Variants in PTTG1IP2 observed in about 807,000 individuals in gnomAD.
PTTG1IP2 encodes PTTG1IP family member 2.
intron 6 of PTTG1IP2, among the ~76,000 whole-genome samples, chr7:90,508,729 A>G (rs1396957285): frequency 6.6e-6 from 1 of 152,228 alleles, no homozygotes; most frequent in Non-Finnish European, 1.5e-5. Context: ...TATTAGCCGT[A>G]CTTTAAGACA....
intron 6 of PTTG1IP2, among the ~76,000 whole-genome samples, chr7:90,494,724 A>C (rs1797973954): frequency 6.6e-6 from 1 of 152,180 alleles, no homozygotes. Context: ...TCTACAAAAA[A>C]ATTTAAAAAT....
At chr7:90,489,458 G>T (rs1797914694) in intron 4 of PTTG1IP2, among the ~76,000 whole-genome samples, 1 of 151,434 alleles carries the variant, frequency 6.6e-6, no homozygotes, top group Non-Finnish European at 1.5e-5. Context: ...TGTTGACTTT[G>T]AGTAATCAAT....
At position 90,485,384 on chromosome 7, in the gene PTTG1IP2, C is replaced by G. The variant is rs553773962; in HGVS notation, c.193-1943C>G. On this transcript the variant is annotated intron_variant, in intron 2 of 6. Coordinates refer to ENST00000509356, the MANE Select transcript of PTTG1IP2 (RefSeq NM_001365443.2). ...GCCCCCAGCTCTAAGTCTGAAATCT[C>G]TGAGAGATGTGCATTACTCTTGATG... is the stretch of plus-strand genomic sequence containing the variant. Among the ~76,000 whole-genome samples the G allele has an allele frequency of 2.3e-3, 352 of 152,264 alleles. 1 individual carries two copies. The highest frequency in any genetic ancestry group is 6.8e-3 in the Middle Eastern group (2 of 294).
At chr7:90,472,035 C>T (rs1251169271) in intron 1 of PTTG1IP2, among the ~76,000 whole-genome samples, 1 of 152,062 alleles carries the variant, frequency 6.6e-6, no homozygotes, top group African/African-American at 2.4e-5. Context: ...CATTTGAGTT[C>T]TCCCCCTTGT....
chr7:90,495,156 T>C (rs1415315134), intron 6 of PTTG1IP2, among the ~76,000 whole-genome samples: 1 of 152,262 alleles, frequency 6.6e-6, no homozygotes, highest in African/African-American at 2.4e-5. Context: ...TGTTTGTGCC[T>C]TAGTTCCTAA....
chr7:90,477,112 G>C (rs1043674039), intron 1 of PTTG1IP2, among the ~76,000 whole-genome samples: 1 of 152,152 alleles, frequency 6.6e-6, no homozygotes, highest in Non-Finnish European at 1.5e-5. Flanking sequence ...GACCAGCGAT[G>C]TTCTAAGAGA....
At chr7:90,482,509 C>A (rs1014723319) in intron 2 of PTTG1IP2, among the ~76,000 whole-genome samples, 1 of 150,626 alleles carries the variant, frequency 6.6e-6, no homozygotes, top group Non-Finnish European at 1.5e-5. Context: ...TTTACAACCC[C>A]CCCCCCACAC....
At chr7:90,474,830 G>A (rs916732260) in intron 1 of PTTG1IP2, among the ~76,000 whole-genome samples, 3 of 152,030 alleles carry the variant, frequency 2.0e-5, no homozygotes, top group African/African-American at 7.2e-5. Flanking sequence ...ATAAAGAAAA[G>A]AACCAATTTA....
At chr7:90,486,967 A>G (rs1359406217) in intron 2 of PTTG1IP2, among the ~76,000 whole-genome samples, 2 of 152,104 alleles carry the variant, frequency 1.3e-5, no homozygotes, top group African/African-American at 4.8e-5. Context: ...GCCCTTGGGC[A>G]AAAAAAGTCA....
intron 6 of PTTG1IP2, among the ~76,000 whole-genome samples, chr7:90,500,496 C>G (rs1798049741): frequency 2.6e-5 from 4 of 152,058 alleles, no homozygotes. Flanking sequence ...GTTGGGATCC[C>G]CAAGAACTAG....
intron 6 of PTTG1IP2, among the ~76,000 whole-genome samples, chr7:90,497,506 G>A (rs1169305965): frequency 6.8e-6 from 1 of 147,524 alleles, no homozygotes; most frequent in Non-Finnish European, 1.5e-5. Flanking sequence ...GGAGCTTGCA[G>A]TGAACCGAGA....
rs1797658444 is a variant in PTTG1IP2 at position 90,469,663 on chromosome 7, C to G, written c.-124C>G. 1 of 152,628 alleles carries G rather than the reference C, an allele frequency of 6.6e-6. No homozygotes were observed. The highest frequency in any genetic ancestry group is 2.1e-4 in the South Asian group (1 of 4,832). The allele number at this position is 152,628 out of a possible 1,614,324, so 9.5% of individuals were successfully genotyped here. On this transcript the variant is annotated 5_prime_UTR_variant, in exon 1 of 7. Coordinates refer to ENST00000509356, the MANE Select transcript of PTTG1IP2 (RefSeq NM_001365443.2). The stretch of plus-strand genomic sequence containing the variant: ...TGATTATGCTGGCATCCAGGGCTTG[C>G]AAGTGGCAGCTTCAGCACCCAGGGC...
At chr7:90,490,151 T>G (rs908400996) in intron 4 of PTTG1IP2, among the ~76,000 whole-genome samples, 12 of 152,042 alleles carry the variant, frequency 7.9e-5, no homozygotes, top group Non-Finnish European at 7.4e-5. Flanking sequence ...TTAGGGTTGA[T>G]TTTTTCCTTT....
At chr7:90,502,424 T>C (rs1389309955) in intron 6 of PTTG1IP2, among the ~76,000 whole-genome samples, 1 of 152,250 alleles carries the variant, frequency 6.6e-6, no homozygotes, top group Non-Finnish European at 1.5e-5. Context: ...ATGAATGTCT[T>C]TAATGGCATC....
intron 6 of PTTG1IP2, among the ~76,000 whole-genome samples, chr7:90,508,234 C>T (rs1798146264): frequency 6.7e-6 from 1 of 149,326 alleles, no homozygotes; most frequent in Non-Finnish European, 1.5e-5. Context: ...GCCACTGCCT[C>T]CAGTCTGGGC....
intron 6 of PTTG1IP2, among the ~76,000 whole-genome samples, chr7:90,510,712 G>T (rs990679461): frequency 3.3e-5 from 5 of 152,172 alleles, no homozygotes; most frequent in Non-Finnish European, 5.9e-5. Flanking sequence ...AAATCCACAG[G>T]CAGGCAATGT....
intron 6 of PTTG1IP2, among the ~76,000 whole-genome samples, chr7:90,506,649 C>G (rs1036005365): frequency 6.6e-6 from 1 of 152,032 alleles, no homozygotes; most frequent in African/African-American, 2.4e-5. Context: ...CACCTATAGT[C>G]CTAGCTACTT....
At chr7:90,475,070 A>C (rs1198632266) in intron 1 of PTTG1IP2, among the ~76,000 whole-genome samples, 1 of 152,158 alleles carries the variant, frequency 6.6e-6, no homozygotes, top group African/African-American at 2.4e-5. Context: ...GGCAGCACCA[A>C]ATCTCCTGCC....
In PTTG1IP2 at chr7:90,482,595, CAGGCTAACTAAAAA is replaced by C. The variant is rs1213596846; in HGVS notation, c.192+3325_192+3338del. Among the ~76,000 whole-genome samples, 9 of 150,966 alleles carry C rather than the reference CAGGCTAACTAAAAA, an allele frequency of 6.0e-5. No individual in the cohort carries two copies. The Admixed American group carries it at 6.0e-4, about 10-fold the overall frequency. On this transcript the variant is annotated intron_variant, in intron 2 of 6. Coordinates refer to ENST00000509356, the MANE Select transcript of PTTG1IP2 (RefSeq NM_001365443.2). Reference sequence around the variant, plus strand: ...ATATTAGAAATAAAATTTCAAAAATCAGGCTAACTAAAAAAGGAGAAGCATCTTGTAATCTGTGC... The same window carrying C: ...ATATTAGAAATAAAATTTCAAAAATCAGGAGAAGCATCTTGTAATCTGTGC...
Sources: allele counts gnomAD v4.1 joint callset (sites outside exome capture counted in the v4.1 genomes callset), GRCh38; gene constraint gnomAD v4.1.1; transcripts MANE v1.5; gene names NCBI Gene and HGNC (gene_info 2026-07-23, HGNC 2026-07-21).